CACNA1A: variants seen among roughly 807,000 people sequenced by gnomAD.
CACNA1A encodes calcium voltage-gated channel subunit alpha1 A.
A neutral mutation model predicts 262.4 loss-of-function variants in CACNA1A; 57 were observed. The ratio of observed to expected loss-of-function variants is 0.22; its 90% confidence interval spans 0.18 to 0.27. The LOEUF (loss-of-function observed/expected upper bound fraction) is 0.27. Ranked by LOEUF, CACNA1A falls within the 10% of genes least tolerant of loss-of-function variation. CACNA1A has a pLI of 1.00. For missense variants in CACNA1A, 2,526 were observed against 3,562.8 expected (o/e 0.71, Z 7.41); for synonymous variants, 1,431 against 1,419.3 (o/e 1.01, Z -0.18).
intron 30 of CACNA1A, among the ~76,000 whole-genome samples, chr19:13,248,058 T>C (rs1600165462): frequency 6.6e-6 from 1 of 152,224 alleles, no homozygotes; most frequent in South Asian, 2.1e-4. Flanking sequence ...AATAATACAC[T>C]CTTTCCTGGT....
At chr19:13,264,373 C>A (rs1017325605) in intron 24 of CACNA1A, among the ~76,000 whole-genome samples, 1 of 152,210 alleles carries the variant, frequency 6.6e-6, no homozygotes, top group African/African-American at 2.4e-5. Flanking sequence ...TCCCAACTTG[C>A]TCCTCATTCC....
chr19:13,301,567 TG>T (rs943556941), intron 17 of CACNA1A, among the ~76,000 whole-genome samples: 1 of 152,208 alleles, frequency 6.6e-6, no homozygotes, highest in Non-Finnish European at 1.5e-5. Context: ...AGGAGGAGAA[TG>T]GGGGAAGAGG....
intron 1 of CACNA1A, among the ~76,000 whole-genome samples, chr19:13,494,124 C>T (rs1413365719): frequency 1.3e-5 from 2 of 152,230 alleles, no homozygotes; most frequent in African/African-American, 4.8e-5. Flanking sequence ...CAGTGCACAA[C>T]CTGTGCAACT....
At position 13,298,857 on chromosome 19, in the gene CACNA1A, C is replaced by T. The variant is rs1337217129; in HGVS notation, c.2776G>A (p.Gly926Arg). Residue 926 changes from glycine to arginine, a missense_variant, in exon 19 of 47, where the codon GGG (glycine) becomes AGG (arginine). Coordinates refer to ENST00000360228, the MANE Select transcript of CACNA1A (RefSeq NM_001127222.2). ...WEGEAERGKA[G>R]DPHRRHVHRQ... Reference sequence around the variant, plus strand: ...TGCACGTGCCTCCGGTGGGGGTCCCCGGCCTTGCCTCGCTCGGCCTCGCCC... The same window carrying T: ...TGCACGTGCCTCCGGTGGGGGTCCCTGGCCTTGCCTCGCTCGGCCTCGCCC... 2 of 1,587,682 alleles carry T rather than the reference C, an allele frequency of 1.3e-6. No individual in the cohort carries two copies. Among genetic ancestry groups the T allele is most frequent in the East Asian group, 2.3e-5 (1 of 43,868 alleles).
chr19:13,400,364 C>A (rs1310268379), intron 3 of CACNA1A, among the ~76,000 whole-genome samples: 5 of 152,074 alleles, frequency 3.3e-5, no homozygotes, highest in Admixed American at 6.6e-5. Context: ...CACCAATTAC[C>A]CCTGTCTTGA....
chr19:13,473,336 C>G (rs957403376), intron 1 of CACNA1A, among the ~76,000 whole-genome samples: 5 of 151,906 alleles, frequency 3.3e-5, no homozygotes, highest in Non-Finnish European at 7.4e-5. Flanking sequence ...GAGGCAGAGA[C>G]TGCAGTGATG....
intron 3 of CACNA1A, among the ~76,000 whole-genome samples, chr19:13,425,822 G>A (rs369052100): frequency 6.6e-5 from 10 of 152,140 alleles, no homozygotes; most frequent in African/African-American, 1.2e-4. Context: ...TTGGGGGGCC[G>A]AGGCGGGTTG....
rs1182458819 is a variant in CACNA1A, at chr19:13,212,317, C to G, written c.6189+67G>C. 1.1e-5 allele frequency: 17 copies of G among 1,579,116 alleles called. No homozygotes were observed. The highest frequency in any genetic ancestry group is 2.2e-5 in the South Asian group (2 of 89,500). ...GCTGCAGGTGTGTGTGTGTGGGGGGCCCAGATCCCTTCCACCTGAACCACC... is the reference window on the plus strand; with the variant it reads ...GCTGCAGGTGTGTGTGTGTGGGGGGGCCAGATCCCTTCCACCTGAACCACC... On this transcript the variant is annotated intron_variant, in intron 42 of 46. Transcript: ENST00000360228. This position sits in a 1 kb window ranked among gnomAD's most constrained non-coding sequence, Gnocchi z 5.6.
intron 3 of CACNA1A, among the ~76,000 whole-genome samples, chr19:13,399,537 C>T (rs921332690): frequency 3.3e-5 from 5 of 152,080 alleles, no homozygotes; most frequent in Non-Finnish European, 5.9e-5. Flanking sequence ...GTTCCCAAAT[C>T]GCTATCCCAA....
intron 31 of CACNA1A, among the ~76,000 whole-genome samples, chr19:13,237,203 C>T (rs745644107): frequency 3.9e-5 from 6 of 151,988 alleles, no homozygotes; most frequent in Non-Finnish European, 8.8e-5. Flanking sequence ...GAGTTTGAGA[C>T]CCCAGCCTCA....
intron 9 of CACNA1A, among the ~76,000 whole-genome samples, chr19:13,330,924 T>A (rs944707329): frequency 1.3e-5 from 2 of 152,088 alleles, no homozygotes; most frequent in East Asian, 1.9e-4. Context: ...CACTTTCTTA[T>A]GAAAACAGTC....
chr19:13,403,792 C>CAAAA (rs897061492), intron 3 of CACNA1A, among the ~76,000 whole-genome samples: 4 of 150,698 alleles, frequency 2.7e-5, no homozygotes, highest in East Asian at 1.9e-4. Context: ...AACAAACAAA[C>CAAAA]AAAAAAAAAC....
intron 23 of CACNA1A, among the ~76,000 whole-genome samples, chr19:13,276,316 CA>C (rs893340983): frequency 6.6e-6 from 1 of 152,224 alleles, no homozygotes; most frequent in African/African-American, 2.4e-5. Flanking sequence ...CTTCTTTGGT[CA>C]CCAGCCTGAT....
At chr19:13,406,511 A>ATATATATATG (rs2060013155) in intron 3 of CACNA1A, among the ~76,000 whole-genome samples, 1 of 108,580 alleles carries the variant, frequency 9.2e-6, no homozygotes, top group African/African-American at 3.4e-5. Flanking sequence ...ATATATATAT[A>ATATATATATG]TGAAGGGAAT....
rs776495488 is a variant in CACNA1A at position 13,298,916 on chromosome 19, C to T, written c.2717G>A (p.Arg906Gln). 4.4e-6 allele frequency: 7 copies of T among 1,594,388 alleles called. No homozygotes were observed. The highest frequency in any genetic ancestry group is 2.2e-5 in the East Asian group (1 of 44,682). The change falls in exon 19 of 47, where the codon CGG (arginine) becomes CAG (glutamine). Residue 906 changes from arginine to glutamine, a missense_variant. Arg to Gln is a conservative substitution (Grantham distance 43). Coordinates refer to ENST00000360228, the MANE Select transcript of CACNA1A (RefSeq NM_001127222.2). Reference sequence around the variant, plus strand: ...CCCGGGTTGCTCCAGGCTGCCCTCCCGGGCGTGGTGGTCCGACTCGCGGCC... The same window carrying T: ...CCCGGGTTGCTCCAGGCTGCCCTCCTGGGCGTGGTGGTCCGACTCGCGGCC... The part of the protein sequence containing the change: ...PYGRESDHHA[R>Q]EGSLEQPGFW...
intron 31 of CACNA1A, among the ~76,000 whole-genome samples, chr19:13,237,751 C>T (rs1231587914): frequency 6.6e-6 from 1 of 152,196 alleles, no homozygotes; most frequent in Non-Finnish European, 1.5e-5. Context: ...CAGAGTCACT[C>T]TCTGTGCCCT....
chr19:13,314,584 T>C lies in CACNA1A; in HGVS notation c.1556-1803A>G, dbSNP rs62109070. Among the ~76,000 whole-genome samples the C allele has an allele frequency of 4.1e-3, 631 of 152,152 alleles. 2 individuals carry two copies. Among genetic ancestry groups the C allele is most frequent in the Non-Finnish European group, 7.1e-3 (481 of 67,988 alleles). Reference sequence around the variant, plus strand: ...AAGGTGCAATCTTGGAAGCAGAGAGTAGCTTTCGCCAGACAGGGAAACCTG... The same window carrying C: ...AAGGTGCAATCTTGGAAGCAGAGAGCAGCTTTCGCCAGACAGGGAAACCTG... On this transcript the variant is annotated intron_variant, in intron 11 of 46. Coordinates refer to ENST00000360228, the MANE Select transcript of CACNA1A (RefSeq NM_001127222.2).
intron 10 of CACNA1A, among the ~76,000 whole-genome samples, chr19:13,318,722 T>C (rs1369041391): frequency 6.6e-6 from 1 of 151,816 alleles, no homozygotes; most frequent in African/African-American, 2.4e-5. Flanking sequence ...ACGGTGTGGA[T>C]GTAAGAGAGA....
chr19:13,296,482 G>A (rs1459395864), intron 19 of CACNA1A, among the ~76,000 whole-genome samples: 1 of 152,206 alleles, frequency 6.6e-6, no homozygotes, highest in Non-Finnish European at 1.5e-5. Flanking sequence ...ACAAAATGTC[G>A]TTATGAAAAA....
Sources: gnomAD v4.1 joint callset for allele counts (sites outside exome capture counted in the v4.1 genomes callset) on GRCh38, gnomAD v4.1.1 for gene constraint, Gnocchi (gnomAD v3.1) non-coding constraint, MANE v1.5 for transcripts, NCBI Gene and HGNC (gene_info 2026-07-23, HGNC 2026-07-21) for gene names.